PPM1K: variants seen among roughly 807,000 people sequenced by gnomAD.
The protein encoded by PPM1K is protein phosphatase, Mg2+/Mn2+ dependent 1K, also known as protein phosphatase Mn(2+)-dependent 1K.
In PPM1K, 19 loss-of-function variants were observed where a neutral mutation model predicts 32.6. That is an observed-to-expected ratio of 0.58 (90% confidence interval 0.41 to 0.86). The LOEUF (loss-of-function observed/expected upper bound fraction) is 0.86. Among genes scored for constraint, PPM1K ranks in the 40% least tolerant of loss-of-function variants. The pLI, the probability that PPM1K is intolerant of heterozygous loss-of-function variation, is 0.00. For missense variants in PPM1K, 362 were observed against 461.2 expected, an observed-to-expected ratio of 0.78 and a Z score of 1.97; for synonymous variants, 159 against 165.3, an observed-to-expected ratio of 0.96 and a Z score of 0.29.
rs1730972749 is a variant in PPM1K, at chr4:88,258,081, G to C, written c.*4514C>G. ...AAGACATGACTTTATTTCTGCCTAA[G>C]TCATCTATATAAGCGAATCTAATAA... On this transcript the variant is annotated 3_prime_UTR_variant, in exon 7 of 7. Transcript: ENST00000608933. 1 of 152,142 alleles carries C rather than the reference G, an allele frequency of 6.6e-6. No homozygotes were observed. Among genetic ancestry groups the C allele is most frequent in the Non-Finnish European group, 1.5e-5 (1 of 68,022 alleles). The allele number at this position is 152,142 out of a possible 1,614,324, so 9.4% of individuals were successfully genotyped here. A position where few individuals can be genotyped will look rare whatever the true frequency, so the allele number is the denominator to read the frequency against.
intron 3 of PPM1K, among the ~76,000 whole-genome samples, chr4:88,271,943 A>G (rs532960672): frequency 4.0e-4 from 61 of 152,330 alleles, no homozygotes; most frequent in Non-Finnish European, 6.6e-4. Context: ...ATAATTTTGT[A>G]TAATTCACAA....
In PPM1K at chr4:88,278,530, T is replaced by C. The variant is rs2110171970; in HGVS notation, c.54A>G (p.Arg18=). ...TLVRSGGNQV[R]RRVLLSSRLL... is the part of the protein sequence containing the mutation. ...GGCGGGAGCTTAGCAGCACTCTCCT[T>C]CTCACCTGGTTCCCACCACTTCTGA... Residue 18 remains arginine, a synonymous_variant, in exon 2 of 7, where the codon AGA becomes AGG. Coordinates refer to ENST00000608933, the MANE Select transcript of PPM1K (RefSeq NM_152542.5). This position sits in a 1 kb window ranked among gnomAD's most constrained non-coding sequence, Gnocchi z 4.2. The C allele has an allele frequency of 1.9e-6, 3 of 1,614,086 alleles. No individual in the cohort carries two copies. Among genetic ancestry groups the C allele is most frequent in the Non-Finnish European group, 2.5e-6 (3 of 1,179,994 alleles).
chr4:88,274,551 A>G (rs1172484496), intron 3 of PPM1K, among the ~76,000 whole-genome samples: 2 of 152,170 alleles, frequency 1.3e-5, no homozygotes, highest in Non-Finnish European at 2.9e-5. Context: ...AAAAGATGAA[A>G]GAAACTGGAG....
chr4:88,277,101 A>G (rs1443917403), intron 3 of PPM1K, 42 bp downstream of exon 3: 1 of 1,456,160 alleles, frequency 6.9e-7, no homozygotes, highest in Non-Finnish European at 9.6e-7. Context: ...CCCCCACCCC[A>G]TGTACTCCCT....
intron 5 of PPM1K, among the ~76,000 whole-genome samples, chr4:88,265,663 C>T (rs1245494255): frequency 6.6e-6 from 1 of 152,156 alleles, no homozygotes; most frequent in East Asian, 1.9e-4. Context: ...AAAGTAGTAA[C>T]ATTTAGAATT....
At chr4:88,276,957 T>G in intron 3 of PPM1K, 186 bp downstream of exon 3, 1 of 667,820 alleles carries the variant, frequency 1.5e-6, no homozygotes, top group Admixed American at 3.5e-5. Flanking sequence ...AGTGAGGTAT[T>G]AACATTAATT....
intron 5 of PPM1K, among the ~76,000 whole-genome samples, chr4:88,266,371 G>C (rs1302207099): frequency 6.6e-6 from 1 of 152,274 alleles, no homozygotes; most frequent in African/African-American, 2.4e-5. Flanking sequence ...CAGCTTCCAA[G>C]TGGAGGTGAT....
rs149542046 is a variant in PPM1K at position 88,268,282 on chromosome 4, C to T, written c.760G>A (p.Val254Ile). The change falls in exon 5 of 7, where the codon GTA (valine) becomes ATA (isoleucine). Residue 254 changes from valine to isoleucine, a missense_variant. Physicochemically the swap from Val to Ile is conservative, Grantham distance 29. Transcript: ENST00000608933. ...VAWNSLGQPH[V>I]NGRLAMTRSI... ...CTTGTCATTGCAAGCCTGCCATTTACGTGAGGCTGCCCCAAACTATTCCAA... is the reference window on the plus strand; with the variant it reads ...CTTGTCATTGCAAGCCTGCCATTTATGTGAGGCTGCCCCAAACTATTCCAA... 131 of 1,614,090 alleles carry T rather than the reference C, an allele frequency of 8.1e-5. No individual in the cohort carries two copies. In the South Asian group the frequency reaches 8.5e-4, roughly 10 times the overall value.
Position 88,258,452 on chromosome 4 carries a change from AC to A in PPM1K, c.*4142del, listed in dbSNP as rs1235079208. ...AGACCATCCTGGCCAATATGGTGAAACCCTGTCTCTACTAAAAATACAAAAA... is the reference window on the plus strand; with the variant it reads ...AGACCATCCTGGCCAATATGGTGAAACCTGTCTCTACTAAAAATACAAAAA... On this transcript the variant is annotated 3_prime_UTR_variant, in exon 7 of 7. Coordinates refer to ENST00000608933, the MANE Select transcript of PPM1K (RefSeq NM_152542.5). The A allele has an allele frequency of 5.9e-5, 9 of 151,766 alleles. No individual in the cohort carries two copies. Among genetic ancestry groups the A allele is most frequent in the African/African-American group, 2.2e-4 (9 of 41,242 alleles). 9.4% of individuals were successfully genotyped at this position (151,766 alleles called of 1,614,324 possible). A position where few individuals can be genotyped will look rare whatever the true frequency, so the allele number is the denominator to read the frequency against.
Position 88,278,855 on chromosome 4 carries a change from G to C in PPM1K, c.-59-213C>G. 4 of 380,814 alleles carry C rather than the reference G, an allele frequency of 1.1e-5. No individual in the cohort carries two copies. Among genetic ancestry groups the C allele is most frequent in the Non-Finnish European group, 1.9e-5 (4 of 210,292 alleles). The allele number at this position is 380,814 out of a possible 1,614,324, so 23.6% of individuals were successfully genotyped here. On this transcript the variant is annotated intron_variant, in intron 1 of 6. Transcript: ENST00000608933. This position sits in a 1 kb window ranked among gnomAD's most constrained non-coding sequence, Gnocchi z 4.2. The stretch of plus-strand genomic sequence containing the variant: ...TAGGCATCCAGTAGCCTGCTTCTAA[G>C]AACAGTGGATCAAAAATGAATCGAT...
chr4:88,260,677 C>A lies in PPM1K; in HGVS notation c.*1918G>T, dbSNP rs1458182300. 1 of 151,772 alleles carries A rather than the reference C, an allele frequency of 6.6e-6. No homozygotes were observed. Among genetic ancestry groups the A allele is most frequent in the Non-Finnish European group, 1.5e-5 (1 of 67,978 alleles). The allele number at this position is 151,772 out of a possible 1,614,324, so 9.4% of individuals were successfully genotyped here. A position where few individuals can be genotyped will look rare whatever the true frequency, so the allele number is the denominator to read the frequency against. On this transcript the variant is annotated 3_prime_UTR_variant, in exon 7 of 7. Transcript: ENST00000608933. ...GGCAGAAAAACTCAAGATTTATCTT[C>A]TTCCATTTCCAAAAAGGTAAGAAGA...
At chr4:88,282,270 T>C (rs1381269229) in intron 1 of PPM1K, among the ~76,000 whole-genome samples, 1 of 152,120 alleles carries the variant, frequency 6.6e-6, no homozygotes, top group South Asian at 2.1e-4. Flanking sequence ...TGGATTTGAG[T>C]TAAACTGTTC....
At chr4:88,269,001 C>T in intron 3 of PPM1K, 95 bp from the exon 4 acceptor site, 1 of 1,036,054 alleles carries the variant, frequency 9.7e-7, no homozygotes, top group Non-Finnish European at 1.4e-6. Context: ...GCATGATAAA[C>T]TAATGCTGGA....
In PPM1K at chr4:88,281,644, A is replaced by AAAACAAAC. The variant is rs33982141; in HGVS notation, c.-60+2754_-60+2761dup. The stretch of plus-strand genomic sequence containing the variant: ...ACCCAGATATATAGCTAGTTTATAA[A>AAAACAAAC]AAACAAACAAACAGGTCGGCATCGC... On this transcript the variant is annotated intron_variant, in intron 1 of 6. Transcript: ENST00000608933. Among the ~76,000 whole-genome samples, 5 of 151,820 alleles carry AAAACAAAC rather than the reference A, an allele frequency of 3.3e-5. No homozygotes were observed. In the South Asian group the frequency reaches 8.3e-4, roughly 25 times the overall value.
At position 88,278,682 on chromosome 4, in the gene PPM1K, G is replaced by T; in HGVS notation, c.-59-40C>A. 1.1e-6 allele frequency: 1 copy of T among 920,456 alleles called. No individual in the cohort carries two copies. The highest frequency in any genetic ancestry group is 1.6e-6 in the Non-Finnish European group (1 of 615,382). The allele number at this position is 920,456 out of a possible 1,614,324, so 57.0% of individuals were successfully genotyped here. A position where few individuals can be genotyped will look rare whatever the true frequency, so the allele number is the denominator to read the frequency against. ...ATGCAAGTCACAGGGGACAGAGGGAGAGAGGGGCAGAGGAGGAGAGGGAGA... is the reference window on the plus strand; with the variant it reads ...ATGCAAGTCACAGGGGACAGAGGGATAGAGGGGCAGAGGAGGAGAGGGAGA... On this transcript the variant is annotated intron_variant, in intron 1 of 6. Coordinates refer to ENST00000608933, the MANE Select transcript of PPM1K (RefSeq NM_152542.5). The surrounding 1 kb of genome is among the most constrained non-coding windows in gnomAD (Gnocchi z 4.2).
chr4:88,268,635 A>C, intron 4 of PPM1K, 106 bp downstream of exon 4: 1 of 1,248,632 alleles, frequency 8.0e-7, no homozygotes, highest in Non-Finnish European at 1.1e-6. Context: ...AAACAAAAAG[A>C]AAACCAAGTC....
At chr4:88,269,123 C>A (rs1731454132) in intron 3 of PPM1K, among the ~76,000 whole-genome samples, 1 of 152,206 alleles carries the variant, frequency 6.6e-6, no homozygotes, top group African/African-American at 2.4e-5. Context: ...TCCATGCAAA[C>A]GGAAAGGTTG....
At position 88,278,109 on chromosome 4, in the gene PPM1K, A is replaced by C. The variant is rs1484812909; in HGVS notation, c.440+35T>G. 1 of 1,561,410 alleles carries C rather than the reference A, an allele frequency of 6.4e-7. No homozygotes were observed. The highest frequency in any genetic ancestry group is 8.8e-7 in the Non-Finnish European group (1 of 1,141,198). On this transcript the variant is annotated intron_variant, in intron 2 of 6. Coordinates refer to ENST00000608933, the MANE Select transcript of PPM1K (RefSeq NM_152542.5). The surrounding 1 kb of genome is among the most constrained non-coding windows in gnomAD (Gnocchi z 4.2). ...GAAAGTTTAAGTAGGAAGTATAGGA[A>C]CTGCAAAGTCAGGAGTGAAAGTCAT...
chr4:88,280,245 T>C (rs2110173882), intron 1 of PPM1K, among the ~76,000 whole-genome samples: 1 of 152,214 alleles, frequency 6.6e-6, no homozygotes, highest in South Asian at 2.1e-4. Context: ...CTGGCCTCAA[T>C]CTTTAGATAT....
Sources: allele counts gnomAD v4.1 joint callset (sites outside exome capture counted in the v4.1 genomes callset), GRCh38; gene constraint gnomAD v4.1.1; non-coding constraint Gnocchi (gnomAD v3.1); transcripts MANE v1.5; gene names NCBI Gene and HGNC (gene_info 2026-07-23, HGNC 2026-07-21).